Variants in KCNAB2 observed in about 807,000 individuals in gnomAD.
KCNAB2 encodes the protein voltage-gated potassium channel subunit beta-2.
KCNAB2 carries 29 observed loss-of-function variants against 63.6 expected under a neutral mutation model. That is an observed-to-expected ratio of 0.46 (90% confidence interval 0.34 to 0.62). The LOEUF is 0.62. KCNAB2 is among the 20% of genes least tolerant of loss of function. The pLI, the probability that KCNAB2 is intolerant of heterozygous loss-of-function variation, is 0.01. For missense variants in KCNAB2, 359 were observed against 563.9 expected (o/e 0.64, Z 3.68); for synonymous variants, 222 against 224.2 (o/e 0.99, Z 0.09).
At chr1:6,008,272 A>G (rs1160066755) in intron 1 of KCNAB2, among the ~76,000 whole-genome samples, 1 of 152,068 alleles carries the variant, frequency 6.6e-6, no homozygotes, top group Non-Finnish European at 1.5e-5. Context: ...TTGCATGCCC[A>G]AGAGCAGCCA....
intron 1 of KCNAB2, among the ~76,000 whole-genome samples, chr1:6,025,387 A>G (rs1659081937): frequency 6.6e-6 from 1 of 152,152 alleles, no homozygotes; most frequent in Non-Finnish European, 1.5e-5. Context: ...CTGGTACCCC[A>G]AAGAGCTTGG....
chr1:6,093,161 A>G (rs1665328348), intron 10 of KCNAB2, among the ~76,000 whole-genome samples: 2 of 152,144 alleles, frequency 1.3e-5, no homozygotes, highest in Admixed American at 1.3e-4. Context: ...TCAGGACCTC[A>G]GCTTCCACGC....
In KCNAB2 at chr1:6,003,460, CGCGA is replaced by C. The variant is rs775713581; in HGVS notation, c.-53+10675_-53+10678del. Among the ~76,000 whole-genome samples the C allele has an allele frequency of 6.6e-6, 1 of 152,202 alleles. No individual in the cohort carries two copies. The highest frequency in any genetic ancestry group is 1.9e-4 in the East Asian group (1 of 5,194). On this transcript the variant is annotated intron_variant, in intron 1 of 16. Coordinates refer to the KCNAB2 transcript ENST00000341524. The surrounding 1 kb of genome is among the most constrained non-coding windows in gnomAD (Gnocchi z 4.1). The stretch of plus-strand genomic sequence containing the variant: ...CACCGTCCACCTTCTCCACTCTTAG[CGCGA>C]GCCCTGCCCCAGCCAGGAGCACTCA...
At chr1:6,066,339 T>A (rs965873744) in intron 2 of KCNAB2, among the ~76,000 whole-genome samples, 1 of 152,096 alleles carries the variant, frequency 6.6e-6, no homozygotes, top group South Asian at 2.1e-4. Flanking sequence ...ACTCCCCACC[T>A]CCTCACTTTC....
Position 6,046,160 on chromosome 1 carries a change from G to T in KCNAB2, c.-50G>T. 2.0e-6 allele frequency: 2 copies of T among 985,346 alleles called. No individual in the cohort carries two copies. The allele number at this position is 985,346 out of a possible 1,614,324, so 61.0% of individuals were successfully genotyped here. A position where few individuals can be genotyped will look rare whatever the true frequency, so the allele number is the denominator to read the frequency against. ...TAAACCAGACTGTGGCCTTTTTAAC[G>T]AGCAGACGCCCCCACGAAGGCAGGT... On this transcript the variant is annotated 5_prime_UTR_variant, in exon 1 of 16. Coordinates refer to ENST00000378083, the MANE Select transcript of KCNAB2 (RefSeq NM_001199862.2).
intron 1 of KCNAB2, among the ~76,000 whole-genome samples, chr1:6,022,587 C>T (rs2100337872): frequency 6.6e-6 from 1 of 152,218 alleles, no homozygotes; most frequent in Admixed American, 6.5e-5. Flanking sequence ...CCATCCATCT[C>T]CAGAACCTTT....
chr1:6,045,167 T>A (rs1373320254), upstream of KCNAB2, among the ~76,000 whole-genome samples: 1 of 152,180 alleles, frequency 6.6e-6, no homozygotes, highest in East Asian at 1.9e-4. The surrounding 1 kb of genome is among the most constrained non-coding windows in gnomAD (Gnocchi z 4.8). Context: ...GGGCACTGAT[T>A]TCCTGTCCCC....
At chr1:6,033,645 G>A (rs1659813537), upstream of KCNAB2, among the ~76,000 whole-genome samples, 1 of 152,144 alleles carries the variant, frequency 6.6e-6, no homozygotes, top group Non-Finnish European at 1.5e-5. Context: ...ACTTTTATGA[G>A]GTTTGAAAGT....
chr1:6,032,186 T>C (rs909469645), upstream of KCNAB2, among the ~76,000 whole-genome samples: 4 of 152,146 alleles, frequency 2.6e-5, no homozygotes, highest in African/African-American at 9.7e-5. Flanking sequence ...CTAGAAAAAC[T>C]GCAGTTGAGA....
intron 2 of KCNAB2, among the ~76,000 whole-genome samples, chr1:6,059,038 C>G (rs567939282): frequency 2.8e-4 from 43 of 152,280 alleles, no homozygotes; most frequent in African/African-American, 9.4e-4. Flanking sequence ...CTTCCCTCCC[C>G]CACAGGGCTG....
chr1:6,011,256 C>T (rs1169126415), intron 1 of KCNAB2, among the ~76,000 whole-genome samples: 9 of 147,624 alleles, frequency 6.1e-5, no homozygotes, highest in African/African-American at 2.5e-5. Context: ...GTGCAGGAGG[C>T]GAGGCAGGCA....
At position 6,088,290 on chromosome 1, in the gene KCNAB2, G is replaced by A. The variant is rs567016331; in HGVS notation, c.471-718G>A. 8.6e-5 allele frequency among the ~76,000 whole-genome samples: 13 copies of A among 150,636 alleles called. No individual in the cohort carries two copies. The South Asian group carries it at 2.7e-3, about 32-fold the overall frequency. On this transcript the variant is annotated intron_variant, in intron 7 of 15. Transcript: ENST00000378083. ...TTTGTCACCCAGGCTGGAGTACAGTGGCGTAGTCCCAGCTCACTGCAGCCT... is the reference window on the plus strand; with the variant it reads ...TTTGTCACCCAGGCTGGAGTACAGTAGCGTAGTCCCAGCTCACTGCAGCCT...
At chr1:6,029,446 C>T (rs775002611), upstream of KCNAB2, among the ~76,000 whole-genome samples, 2 of 152,094 alleles carry the variant, frequency 1.3e-5, no homozygotes, top group Non-Finnish European at 2.9e-5. Context: ...CAGGATGCAC[C>T]GTACAAGAGC....
intron 1 of KCNAB2, chr1:6,007,776 G>A (rs1172063031): frequency 2.0e-5 from 3 of 152,354 alleles, no homozygotes; most frequent in African/African-American, 7.2e-5. Flanking sequence ...CGAAGGAGGG[G>A]ATGGCCAAGA....
intron 1 of KCNAB2, among the ~76,000 whole-genome samples, chr1:6,009,478 C>T (rs933853060): frequency 6.6e-6 from 1 of 152,264 alleles, no homozygotes; most frequent in African/African-American, 2.4e-5. Flanking sequence ...GTCTAGACCC[C>T]ATCAAAGCCT....
rs906204096 is a variant in KCNAB2 at position 5,994,052 on chromosome 1, T to C, written c.-53+1264T>C. Among the ~76,000 whole-genome samples, 2 of 152,142 alleles carry C rather than the reference T, an allele frequency of 1.3e-5. No homozygotes were observed. Among genetic ancestry groups the C allele is most frequent in the African/African-American group, 4.8e-5 (2 of 41,418 alleles). Reference sequence around the variant, plus strand: ...AATAGCTCTTGGGGAAGTGGGCTATTAGCATTTATGGAAATTAATACATCC... The same window carrying C: ...AATAGCTCTTGGGGAAGTGGGCTATCAGCATTTATGGAAATTAATACATCC... On this transcript the variant is annotated intron_variant, in intron 1 of 16. Coordinates refer to the KCNAB2 transcript ENST00000341524. This position sits in a 1 kb window ranked among gnomAD's most constrained non-coding sequence, Gnocchi z 5.4.
At chr1:6,029,515 A>G (rs1659443046), upstream of KCNAB2, among the ~76,000 whole-genome samples, 1 of 151,724 alleles carries the variant, frequency 6.6e-6, no homozygotes, top group Non-Finnish European at 1.5e-5. Flanking sequence ...GTGGTCAGTG[A>G]CTCCCCAGGA....
rs971907454 is a variant in KCNAB2, at chr1:6,021,451, A to G, written c.-52-19066A>G. Among the ~76,000 whole-genome samples the G allele has an allele frequency of 3.0e-4, 45 of 152,248 alleles. 2 individuals carry two copies. Among genetic ancestry groups the G allele is most frequent in the African/African-American group, 9.9e-4 (41 of 41,468 alleles). ...GGTAAAGGTACATATAAAATGTGCC[A>G]TCTTAACCACTTTTAAGTGTACAGT... On this transcript the variant is annotated intron_variant, in intron 1 of 16. Transcript: ENST00000341524.
intron 1 of KCNAB2, among the ~76,000 whole-genome samples, chr1:6,036,672 G>A (rs1260087792): frequency 1.3e-5 from 2 of 152,114 alleles, no homozygotes; most frequent in African/African-American, 2.4e-5. Context: ...CTGTGGGGCC[G>A]GTTCACTGGG....
Sources: gnomAD v4.1 joint callset for allele counts (sites outside exome capture counted in the v4.1 genomes callset) on GRCh38, gnomAD v4.1.1 for gene constraint, Gnocchi (gnomAD v3.1) non-coding constraint, MANE v1.5 for transcripts, NCBI Gene and HGNC (gene_info 2026-07-23, HGNC 2026-07-21) for gene names.